The following INPP4B variants were observed in gnomAD, a reference collection of about 807,000 sequenced individuals.
INPP4B encodes the protein inositol polyphosphate-4-phosphatase type II B.
A neutral mutation model predicts 122.5 loss-of-function variants in INPP4B; 55 were observed. That is an observed-to-expected ratio of 0.45 (90% CI 0.36 to 0.56). The LOEUF is 0.56. Among genes scored for constraint, INPP4B ranks in the 20% least tolerant of loss-of-function variants. The probability of loss-of-function intolerance (pLI) is 0.00; values close to 1 mark genes in which losing one functional copy is unlikely to be tolerated. For missense variants in INPP4B, 1,000 were observed against 1,097.7 expected (o/e 0.91, Z 1.26); for synonymous variants, 403 against 388.7 (o/e 1.04, Z -0.43).
intron 6 of INPP4B, among the ~76,000 whole-genome samples, chr4:142,404,245 G>A (rs371622352): frequency 6.6e-6 from 1 of 152,096 alleles, no homozygotes; most frequent in Non-Finnish European, 1.5e-5. Flanking sequence ...AATGACTCCC[G>A]TTCAGTCTGA....
intron 11 of INPP4B, among the ~76,000 whole-genome samples, chr4:142,241,415 C>T (rs1859352813): frequency 6.6e-6 from 1 of 152,178 alleles, no homozygotes; most frequent in African/African-American, 2.4e-5. Flanking sequence ...TTGAGATCCA[C>T]CCCTTGAGAT....
chr4:142,810,047 G>A (rs192522416), intron 1 of INPP4B, among the ~76,000 whole-genome samples: 31 of 151,808 alleles, frequency 2.0e-4, no homozygotes, highest in Middle Eastern at 3.4e-3. Flanking sequence ...GTGGGTGCCT[G>A]TAATCCCAGC....
intron 12 of INPP4B, among the ~76,000 whole-genome samples, chr4:142,215,770 G>T (rs1846865267): frequency 6.6e-6 from 1 of 151,538 alleles, no homozygotes; most frequent in Non-Finnish European, 1.5e-5. Flanking sequence ...GTGGGCGCCT[G>T]TAGTCCCAGC....
intron 8 of INPP4B, among the ~76,000 whole-genome samples, chr4:142,309,709 G>C (rs566935808): frequency 6.6e-6 from 1 of 152,284 alleles, no homozygotes; most frequent in South Asian, 2.1e-4. Flanking sequence ...ACGACATGCA[G>C]CTCTAGCCTT....
chr4:142,584,332 G>A (rs919471966), intron 2 of INPP4B, among the ~76,000 whole-genome samples: 12 of 152,002 alleles, frequency 7.9e-5, no homozygotes, highest in African/African-American at 2.4e-4. Context: ...GATGAACATT[G>A]ATACATTATT....
Position 142,028,015 on chromosome 4 carries a change from C to CATT in INPP4B, c.*764_*766dup, listed in dbSNP as rs780146728. The stretch of plus-strand genomic sequence containing the variant: ...TCATTTTGGGTATCAAAATGTTGTT[C>CATT]ATTTTTATTTTATTTGTAATTTTAG... On this transcript the variant is annotated 3_prime_UTR_variant, in exon 26 of 26. Transcript: ENST00000262992. 21 of 206,532 alleles carry CATT rather than the reference C, an allele frequency of 1.0e-4. No individual in the cohort carries two copies. Among genetic ancestry groups the CATT allele is most frequent in the Admixed American group, 1.8e-4 (3 of 16,786 alleles). The allele number at this position is 206,532 out of a possible 1,614,324, so 12.8% of individuals were successfully genotyped here.
chr4:142,037,025 T>G (rs1191965520), intron 25 of INPP4B, among the ~76,000 whole-genome samples: 4 of 152,148 alleles, frequency 2.6e-5, no homozygotes, highest in Admixed American at 6.6e-5. Flanking sequence ...AATTAATCAG[T>G]AGCTTGCAAG....
At chr4:142,602,424 T>C (rs1488769022) in intron 2 of INPP4B, among the ~76,000 whole-genome samples, 4 of 152,200 alleles carry the variant, frequency 2.6e-5, no homozygotes, top group African/African-American at 9.6e-5. Context: ...ATGGATTCAA[T>C]GCTATTCCCA....
At chr4:142,340,377 T>C (rs909077349) in intron 7 of INPP4B, among the ~76,000 whole-genome samples, 2 of 150,224 alleles carry the variant, frequency 1.3e-5, no homozygotes, top group African/African-American at 2.4e-5. Context: ...TTAAAAAACA[T>C]GATGCCATAT....
At chr4:142,051,237 T>C (rs1271050568) in intron 25 of INPP4B, among the ~76,000 whole-genome samples, 2 of 152,096 alleles carry the variant, frequency 1.3e-5, no homozygotes, top group Non-Finnish European at 2.9e-5. Flanking sequence ...AATACTTTCA[T>C]TAAACATTGT....
chr4:142,680,957 A>G (rs1378373029), intron 2 of INPP4B, among the ~76,000 whole-genome samples: 1 of 151,896 alleles, frequency 6.6e-6, no homozygotes, highest in East Asian at 1.9e-4. Flanking sequence ...ACATTCATGA[A>G]AGTCAGAAAA....
chr4:142,249,027 G>T (rs1456314931), intron 11 of INPP4B, among the ~76,000 whole-genome samples: 4 of 151,884 alleles, frequency 2.6e-5, no homozygotes, highest in Non-Finnish European at 5.9e-5. Context: ...ATAGTAGGTG[G>T]TTTAACCCTA....
chr4:142,656,993 G>A (rs932520614), intron 2 of INPP4B, among the ~76,000 whole-genome samples: 2 of 152,210 alleles, frequency 1.3e-5, no homozygotes, highest in African/African-American at 4.8e-5. Context: ...GGCATGGCCA[G>A]TAGCCACTTG....
At chr4:142,417,309 G>GA (rs1805975379) in intron 5 of INPP4B, among the ~76,000 whole-genome samples, 1 of 152,102 alleles carries the variant, frequency 6.6e-6, no homozygotes, top group African/African-American at 2.4e-5. Context: ...TTCTGTTTAA[G>GA]GTCTTCTTGG....
intron 11 of INPP4B, among the ~76,000 whole-genome samples, chr4:142,247,406 ATGAATCAGAC>A (rs1729455021): frequency 6.6e-6 from 1 of 152,100 alleles, no homozygotes; most frequent in Admixed American, 6.6e-5. Flanking sequence ...GAATTTGGCT[ATGAATCAGAC>A]TGATCCTGGT....
At chr4:142,103,176 A>G (rs1321859797) in intron 23 of INPP4B, among the ~76,000 whole-genome samples, 2 of 152,002 alleles carry the variant, frequency 1.3e-5, no homozygotes, top group Non-Finnish European at 2.9e-5. Flanking sequence ...TTCTTCTTTC[A>G]TCAACACATT....
At chr4:142,065,727 G>A (rs1465713964) in intron 25 of INPP4B, among the ~76,000 whole-genome samples, 1 of 152,212 alleles carries the variant, frequency 6.6e-6, no homozygotes, top group Non-Finnish European at 1.5e-5. Flanking sequence ...TCATTTAGGA[G>A]TGCTGAACAG....
At chr4:142,364,704 A>C (rs1366729225) in intron 7 of INPP4B, among the ~76,000 whole-genome samples, 1 of 152,096 alleles carries the variant, frequency 6.6e-6, no homozygotes, top group African/African-American at 2.4e-5. Flanking sequence ...AGCCTCAAGT[A>C]GTAAGAGGCA....
At chr4:142,029,143 A>T in intron 25 of INPP4B, 1 of 1,216,180 alleles carries the variant, frequency 8.2e-7, no homozygotes, top group Non-Finnish European at 1.0e-6. Context: ...TACTCTTAAC[A>T]TTTAAAATTT....
Sources: gnomAD v4.1 joint callset for allele counts (sites outside exome capture counted in the v4.1 genomes callset) on GRCh38, gnomAD v4.1.1 for gene constraint, MANE v1.5 for transcripts, NCBI Gene and HGNC (gene_info 2026-07-23, HGNC 2026-07-21) for gene names.